CBLB: variants seen among roughly 807,000 people sequenced by gnomAD.
CBLB encodes Cbl proto-oncogene B, also known as E3 ubiquitin-protein ligase CBL-B.
A neutral mutation model predicts 104.9 loss-of-function variants in CBLB; 31 were observed. That is an observed-to-expected ratio of 0.30 (90% CI 0.22 to 0.40). CBLB has a LOEUF of 0.40. Among genes scored for constraint, CBLB ranks in the 10% least tolerant of loss-of-function variants. The pLI, the probability that CBLB is intolerant of heterozygous loss-of-function variation, is 1.00. For synonymous variants in CBLB, 440 were observed against 422.6 expected (o/e 1.04, Z -0.51); for missense variants, 1,062 against 1,214.6 (o/e 0.87, Z 1.87).
At chr3:105,660,482 G>A (rs921608857) in intron 18 of CBLB, among the ~76,000 whole-genome samples, 2 of 151,806 alleles carry the variant, frequency 1.3e-5, no homozygotes, top group African/African-American at 2.4e-5. Context: ...GTGAGCCACC[G>A]CACCTGGCCC....
chr3:105,678,698 G>T, intron 16 of CBLB, 127 bp from the exon 17 acceptor site: 1 of 1,064,538 alleles, frequency 9.4e-7, no homozygotes, highest in Non-Finnish European at 1.4e-6. Context: ...GGTTTATCCA[G>T]CAGTTCACCA....
intron 17 of CBLB, among the ~76,000 whole-genome samples, chr3:105,676,816 C>T (rs776256273): frequency 5.3e-5 from 8 of 152,128 alleles, no homozygotes; most frequent in South Asian, 4.2e-4. Flanking sequence ...GGGGGTGGTT[C>T]CCCCATGCTG....
At chr3:105,799,334 A>G (rs2082588396) in intron 3 of CBLB, among the ~76,000 whole-genome samples, 1 of 152,158 alleles carries the variant, frequency 6.6e-6, no homozygotes. Flanking sequence ...GTAAGAGAAC[A>G]TTAGAGCATG....
chr3:105,737,671 T>C (rs1560023778), intron 7 of CBLB, among the ~76,000 whole-genome samples: 1 of 152,098 alleles, frequency 6.6e-6, no homozygotes, highest in Non-Finnish European at 1.5e-5. Flanking sequence ...TAATACCACA[T>C]GGAAAGAAAA....
chr3:105,665,848 G>A (rs2064387208), intron 18 of CBLB, among the ~76,000 whole-genome samples: 4 of 151,624 alleles, frequency 2.6e-5, no homozygotes, highest in East Asian at 3.9e-4. Flanking sequence ...GGCCAATATG[G>A]TGAAACCCCG....
intron 13 of CBLB, among the ~76,000 whole-genome samples, chr3:105,693,138 A>T (rs547197621): frequency 6.6e-6 from 1 of 152,014 alleles, no homozygotes; most frequent in African/African-American, 2.4e-5. Context: ...AGATTATTTT[A>T]TGATGTCAAA....
intron 9 of CBLB, among the ~76,000 whole-genome samples, chr3:105,728,091 T>C (rs2073890356): frequency 6.6e-6 from 1 of 152,178 alleles, no homozygotes; most frequent in Non-Finnish European, 1.5e-5. Context: ...AAGTCAATGG[T>C]AGTTTGATGG....
intron 16 of CBLB, among the ~76,000 whole-genome samples, chr3:105,679,006 T>C (rs528226307): frequency 1.1e-4 from 16 of 152,292 alleles, no homozygotes; most frequent in East Asian, 1.9e-4. Context: ...CAAATACATA[T>C]AATTTAATGT....
chr3:105,769,631 G>A (rs1407348093), intron 4 of CBLB, among the ~76,000 whole-genome samples: 1 of 152,182 alleles, frequency 6.6e-6, no homozygotes. Context: ...CAAAGACAAT[G>A]AGGAGTAAAA....
intron 3 of CBLB, among the ~76,000 whole-genome samples, chr3:105,833,017 T>G (rs536755843): frequency 6.6e-6 from 1 of 152,214 alleles, no homozygotes; most frequent in East Asian, 1.9e-4. Flanking sequence ...ATCAGGCACA[T>G]GAAGCCTCAG....
At chr3:105,781,774 T>A (rs992269460) in intron 3 of CBLB, among the ~76,000 whole-genome samples, 3 of 152,220 alleles carry the variant, frequency 2.0e-5, no homozygotes, top group Non-Finnish European at 4.4e-5. Flanking sequence ...GAAAAGTCTG[T>A]GAGGATGTGC....
At chr3:105,755,076 G>C (rs1403130495) in intron 4 of CBLB, among the ~76,000 whole-genome samples, 2 of 142,504 alleles carry the variant, frequency 1.4e-5, no homozygotes, top group Admixed American at 1.5e-4. Flanking sequence ...TGTGCACATT[G>C]TGCAGGTTAG....
chr3:105,838,672 T>C (rs2089019138), intron 3 of CBLB, among the ~76,000 whole-genome samples: 1 of 151,186 alleles, frequency 6.6e-6, no homozygotes. Flanking sequence ...TCCTTCTTTT[T>C]TTTTTTTTTT....
At chr3:105,774,699 C>G (rs886206837) in intron 4 of CBLB, among the ~76,000 whole-genome samples, 4 of 152,092 alleles carry the variant, frequency 2.6e-5, no homozygotes, top group African/African-American at 7.2e-5. Flanking sequence ...ATAAAGATGT[C>G]TCAAATGCAT....
chr3:105,778,179 G>A (rs896029275), intron 3 of CBLB, among the ~76,000 whole-genome samples: 2 of 151,774 alleles, frequency 1.3e-5, no homozygotes, highest in African/African-American at 2.4e-5. Flanking sequence ...AAGTGTGTTA[G>A]GACTCAATAA....
chr3:105,698,153 T>C (rs1388836315), intron 12 of CBLB, among the ~76,000 whole-genome samples: 1 of 152,072 alleles, frequency 6.6e-6, no homozygotes, highest in African/African-American at 2.4e-5. Context: ...TGGCTAGCTT[T>C]TGATTATGCT....
At chr3:105,703,027 A>G (rs1253996104) in intron 11 of CBLB, among the ~76,000 whole-genome samples, 2 of 152,348 alleles carry the variant, frequency 1.3e-5, no homozygotes, top group East Asian at 1.9e-4. Context: ...GCAGCACTAC[A>G]TATGGAATTA....
At chr3:105,831,538 A>G (rs543032739) in intron 3 of CBLB, among the ~76,000 whole-genome samples, 3 of 152,390 alleles carry the variant, frequency 2.0e-5, no homozygotes, top group South Asian at 2.1e-4. Flanking sequence ...AAGCTAAAAA[A>G]TGCTCAAGTT....
intron 3 of CBLB, among the ~76,000 whole-genome samples, chr3:105,819,414 G>A (rs1038065544): frequency 6.6e-6 from 1 of 151,888 alleles, no homozygotes; most frequent in Non-Finnish European, 1.5e-5. Context: ...TTGAACCCAG[G>A]AGGAGGAAGT....
Sources: allele counts gnomAD v4.1 joint callset (sites outside exome capture counted in the v4.1 genomes callset), GRCh38; gene constraint gnomAD v4.1.1; transcripts MANE v1.5; gene names NCBI Gene and HGNC (gene_info 2026-07-23, HGNC 2026-07-21).